TLN2: variants seen among roughly 807,000 people sequenced by gnomAD.
TLN2 encodes the protein talin-2.
Under a neutral mutation model 294.7 loss-of-function variants are expected in TLN2, and 118 were observed. The observed-to-expected ratio is 0.40, with a 90% CI of 0.34 to 0.47. The LOEUF is 0.47. Ranked by LOEUF, TLN2 falls within the 20% of genes least tolerant of loss-of-function variation. TLN2 has a pLI of 0.84. For synonymous variants in TLN2, 1,431 were observed against 1,304.5 expected, an observed-to-expected ratio of 1.10 and a Z score of -2.09; for missense variants, 3,083 against 3,282.2, an observed-to-expected ratio of 0.94 and a Z score of 1.48.
chr15:62,838,869 C>T lies in TLN2; in HGVS notation c.7388C>T (p.Ala2463Val), dbSNP rs528804503. The change falls in exon 58 of 59, where the codon GCT (alanine) becomes GTT (valine). Residue 2463 changes from alanine (A) to valine (V), a missense_variant. Coordinates refer to ENST00000636159, the MANE Select transcript of TLN2 (RefSeq NM_015059.3). ...TTCACTCTCCAGGCGGCAGGAAATG[C>T]TGTGAAAAGAGCCTCAGACAATCTT... ...AMRRLQAAGN[A>V]VKRASDNLVR... 6.2e-7 allele frequency: 1 copy of T among 1,609,570 alleles called. No individual in the cohort carries two copies. Among genetic ancestry groups the T allele is most frequent in the South Asian group, 1.1e-5 (1 of 91,038 alleles).
intron 1 of TLN2, among the ~76,000 whole-genome samples, chr15:62,541,303 G>C (rs1185739840): frequency 6.6e-6 from 1 of 152,178 alleles, no homozygotes; most frequent in African/African-American, 2.4e-5. Flanking sequence ...TAAATATCTT[G>C]TATTGACTAT....
chr15:62,637,309 AAG>A (rs1465596257), intron 3 of TLN2: 1 of 152,216 alleles, frequency 6.6e-6, no homozygotes, highest in Non-Finnish European at 1.5e-5. Flanking sequence ...AAAGAATTCA[AAG>A]TCAGAGTTCA....
chr15:62,517,250 C>T (rs1006635430), intron 1 of TLN2, among the ~76,000 whole-genome samples: 1 of 152,162 alleles, frequency 6.6e-6, no homozygotes, highest in Non-Finnish European at 1.5e-5. Context: ...TTTACTACTC[C>T]TTAGGCTCAC....
intron 11 of TLN2, chr15:62,684,199 G>A (rs762757480): frequency 6.6e-6 from 1 of 152,336 alleles, no homozygotes; most frequent in Non-Finnish European, 1.5e-5. Context: ...AATCCGTCAC[G>A]ATTCTGTGTT....
intron 3 of TLN2, among the ~76,000 whole-genome samples, chr15:62,633,782 CAA>C (rs2050135456): frequency 6.6e-6 from 1 of 152,184 alleles, no homozygotes; most frequent in Admixed American, 6.5e-5. Flanking sequence ...TGTCCCCTAA[CAA>C]AATACCACTA....
rs553136837 is a variant in TLN2, at chr15:62,661,527, G to A, written c.788+3629G>A. 6.3e-4 allele frequency among the ~76,000 whole-genome samples: 96 copies of A among 152,268 alleles called. 3 individuals carry two copies. In the South Asian group the frequency reaches 0.019, roughly 30 times the overall value. ...TGTTGACCATTAAAATAGGAGAAGTGCAGGGCGGCTTATGGAAACAAAGTG... is the reference window on the plus strand; with the variant it reads ...TGTTGACCATTAAAATAGGAGAAGTACAGGGCGGCTTATGGAAACAAAGTG... On this transcript the variant is annotated intron_variant, in intron 9 of 58. Coordinates refer to ENST00000636159, the MANE Select transcript of TLN2 (RefSeq NM_015059.3).
intron 52 of TLN2, among the ~76,000 whole-genome samples, chr15:62,816,257 C>T (rs969389914): frequency 2.6e-5 from 4 of 152,164 alleles, no homozygotes; most frequent in East Asian, 1.9e-4. Flanking sequence ...ATGGTGGCCT[C>T]CTGCGTTTGC....
chr15:62,485,659 C>A (rs2038350073), intron 1 of TLN2, among the ~76,000 whole-genome samples: 1 of 152,198 alleles, frequency 6.6e-6, no homozygotes, highest in Non-Finnish European at 1.5e-5. Flanking sequence ...CTCCCACTCC[C>A]CTGCTTAGTT....
At chr15:62,514,919 A>G (rs1278395711) in intron 1 of TLN2, among the ~76,000 whole-genome samples, 3 of 152,132 alleles carry the variant, frequency 2.0e-5, no homozygotes, top group Non-Finnish European at 4.4e-5. Flanking sequence ...AAAAAATATA[A>G]CTCACTTACA....
intron 1 of TLN2, among the ~76,000 whole-genome samples, chr15:62,583,049 A>G (rs1320638374): frequency 6.6e-6 from 1 of 152,238 alleles, no homozygotes; most frequent in Non-Finnish European, 1.5e-5. Flanking sequence ...AAATTTTTCT[A>G]AAATGCATTG....
intron 52 of TLN2, among the ~76,000 whole-genome samples, chr15:62,819,080 G>T (rs1016904739): frequency 2.0e-5 from 3 of 151,882 alleles, no homozygotes; most frequent in African/African-American, 7.3e-5. Context: ...GGCTGGTCTT[G>T]AACTCCTGGG....
intron 1 of TLN2, among the ~76,000 whole-genome samples, chr15:62,540,674 G>C (rs1050446872): frequency 1.3e-5 from 2 of 152,112 alleles, no homozygotes; most frequent in Non-Finnish European, 2.9e-5. Context: ...GGAGTGGTGA[G>C]GGACTTGAGA....
intron 1 of TLN2, among the ~76,000 whole-genome samples, chr15:62,484,669 C>T (rs1404336105): frequency 6.6e-6 from 1 of 152,130 alleles, no homozygotes; most frequent in African/African-American, 2.4e-5. Flanking sequence ...TCATGATCCA[C>T]CCGCCTCAGC....
At chr15:62,790,333 G>A (rs997712425) in intron 45 of TLN2, among the ~76,000 whole-genome samples, 3 of 152,132 alleles carry the variant, frequency 2.0e-5, no homozygotes, top group East Asian at 1.9e-4. Context: ...ATTTAATTTC[G>A]AGAGGGAGAG....
chr15:62,783,697 C>A, intron 44 of TLN2, 74 bp from the exon 45 acceptor site: 1 of 1,488,352 alleles, frequency 6.7e-7, no homozygotes, highest in Non-Finnish European at 9.0e-7. Flanking sequence ...GTGATATTAA[C>A]ACATGGTTCT....
intron 43 of TLN2, among the ~76,000 whole-genome samples, chr15:62,780,404 G>A (rs2064057864): frequency 6.6e-6 from 1 of 152,130 alleles, no homozygotes; most frequent in Non-Finnish European, 1.5e-5. Context: ...TGTGATGCCT[G>A]GAAGTTACCA....
At chr15:62,457,997 A>G (rs2036576415) in intron 1 of TLN2, among the ~76,000 whole-genome samples, 1 of 152,228 alleles carries the variant, frequency 6.6e-6, no homozygotes, top group East Asian at 1.9e-4. Flanking sequence ...CTGGAAAAAA[A>G]TGTTTTTCAG....
At chr15:62,699,877 T>G (rs750206893) in intron 16 of TLN2, among the ~76,000 whole-genome samples, 5 of 152,214 alleles carry the variant, frequency 3.3e-5, no homozygotes, top group Admixed American at 6.5e-5. Flanking sequence ...CAGTGGTTTT[T>G]ATTCTCCCCA....
At chr15:62,729,291 T>G (rs1352080648) in intron 28 of TLN2, among the ~76,000 whole-genome samples, 1 of 152,264 alleles carries the variant, frequency 6.6e-6, no homozygotes, top group African/African-American at 2.4e-5. Context: ...TCAACTTTGT[T>G]GGTTTTCCTC....
Sources: allele counts gnomAD v4.1 joint callset (sites outside exome capture counted in the v4.1 genomes callset), GRCh38; gene constraint gnomAD v4.1.1; transcripts MANE v1.5; gene names NCBI Gene and HGNC (gene_info 2026-07-23, HGNC 2026-07-21).